RSPO2: variants seen among roughly 807,000 people sequenced by gnomAD.
The protein encoded by RSPO2 is R-spondin 2.
In RSPO2, 14 loss-of-function variants were observed where a neutral mutation model predicts 30.9. The ratio of observed to expected loss-of-function variants is 0.45; its 90% CI spans 0.30 to 0.71. RSPO2 has a LOEUF of 0.71. RSPO2 is among the 30% of genes least tolerant of loss of function. The pLI is 0.08. For missense variants in RSPO2, 264 were observed against 301.9 expected, an observed-to-expected ratio of 0.87 and a Z score of 0.93; for synonymous variants, 107 against 96.4, an observed-to-expected ratio of 1.11 and a Z score of -0.64.
intron 5 of RSPO2, among the ~76,000 whole-genome samples, chr8:107,916,012 T>A (rs566928722): frequency 1.7e-4 from 26 of 152,148 alleles, no homozygotes; most frequent in Non-Finnish European, 3.4e-4. Context: ...GGAATCCAAC[T>A]AAGAAACTGG....
intron 3 of RSPO2, among the ~76,000 whole-genome samples, chr8:107,982,833 T>C (rs1471510355): frequency 1.3e-5 from 2 of 152,242 alleles, no homozygotes; most frequent in Non-Finnish European, 2.9e-5. Flanking sequence ...TCTGCTTTCC[T>C]AGTGACTTAG....
In RSPO2 at chr8:107,931,892, G is replaced by A. The variant is rs77361533; in HGVS notation, c.616+26188C>T. Reference sequence around the variant, plus strand: ...AAAAGACAACCCCATATTATACATTGGCATGTGCATCTACCTCCACTTTTG... The same window carrying A: ...AAAAGACAACCCCATATTATACATTAGCATGTGCATCTACCTCCACTTTTG... On this transcript the variant is annotated intron_variant, in intron 5 of 5. Transcript: ENST00000276659. Among the ~76,000 whole-genome samples, 1,390 of 152,180 alleles carry A rather than the reference G, an allele frequency of 9.1e-3. 7 individuals are homozygous for A. Among genetic ancestry groups the A allele is most frequent in the Non-Finnish European group, 0.014 (952 of 68,004 alleles).
At chr8:107,911,828 G>A (rs1286502623) in intron 5 of RSPO2, among the ~76,000 whole-genome samples, 1 of 152,068 alleles carries the variant, frequency 6.6e-6, no homozygotes, top group Admixed American at 6.6e-5. Flanking sequence ...CTTATGCCCA[G>A]CAAAATGCCT....
At chr8:107,977,702 A>G (rs1185941430) in intron 3 of RSPO2, among the ~76,000 whole-genome samples, 1 of 152,106 alleles carries the variant, frequency 6.6e-6, no homozygotes, top group African/African-American at 2.4e-5. Flanking sequence ...TTTTCCCAAT[A>G]TATGGCCCTC....
intron 3 of RSPO2, among the ~76,000 whole-genome samples, chr8:107,979,617 T>C (rs977342428): frequency 6.6e-5 from 10 of 151,968 alleles, no homozygotes; most frequent in Admixed American, 2.6e-4. Context: ...ATGGCACATG[T>C]ATACATATGT....
At chr8:107,989,942 C>CA (rs1449023531) in intron 2 of RSPO2, among the ~76,000 whole-genome samples, 1 of 152,106 alleles carries the variant, frequency 6.6e-6, no homozygotes, top group Non-Finnish European at 1.5e-5. Flanking sequence ...ATCATATGAG[C>CA]AAGTAAACCT....
At chr8:108,013,468 G>A (rs1462259313) in intron 2 of RSPO2, among the ~76,000 whole-genome samples, 2 of 152,086 alleles carry the variant, frequency 1.3e-5, no homozygotes, top group Non-Finnish European at 2.9e-5. Context: ...GTAGTAAACT[G>A]ACTTAAGACT....
chr8:108,001,401 G>C (rs1329685228), intron 2 of RSPO2, among the ~76,000 whole-genome samples: 1 of 152,084 alleles, frequency 6.6e-6, no homozygotes, highest in East Asian at 1.9e-4. Context: ...AGCCCTATAA[G>C]AATTACTCCC....
At chr8:107,968,080 T>C (rs1412905946) in intron 3 of RSPO2, among the ~76,000 whole-genome samples, 2 of 152,104 alleles carry the variant, frequency 1.3e-5, no homozygotes, top group African/African-American at 4.8e-5. Context: ...GATCCAGCAA[T>C]CCCACTGCTG....
At chr8:108,001,412 CT>C (rs34148039) in intron 2 of RSPO2, among the ~76,000 whole-genome samples, 1 of 152,224 alleles carries the variant, frequency 6.6e-6, no homozygotes, top group Non-Finnish European at 1.5e-5. Context: ...AATTACTCCC[CT>C]TTTTCCCCCT....
At chr8:108,010,744 C>T (rs1192172738) in intron 2 of RSPO2, among the ~76,000 whole-genome samples, 1 of 152,090 alleles carries the variant, frequency 6.6e-6, no homozygotes, top group Non-Finnish European at 1.5e-5. Context: ...ATCGCTTTCC[C>T]TCCCCTGGCA....
chr8:108,012,506 G>A (rs1810744351), intron 2 of RSPO2, among the ~76,000 whole-genome samples: 1 of 152,186 alleles, frequency 6.6e-6, no homozygotes, highest in Non-Finnish European at 1.5e-5. Context: ...TTACATGTGT[G>A]TTTTCCTACA....
At chr8:107,933,368 C>A (rs1266367446) in intron 5 of RSPO2, among the ~76,000 whole-genome samples, 1 of 152,104 alleles carries the variant, frequency 6.6e-6, no homozygotes, top group African/African-American at 2.4e-5. Flanking sequence ...ACGAAATATA[C>A]ACATATTTAA....
intron 2 of RSPO2, among the ~76,000 whole-genome samples, chr8:108,065,636 C>A (rs1333710389): frequency 1.3e-5 from 2 of 149,970 alleles, no homozygotes; most frequent in African/African-American, 2.5e-5. Context: ...AAAGAGCCAG[C>A]TGCACCTAAT....
chr8:107,952,341 C>T (rs1016670801), intron 5 of RSPO2, among the ~76,000 whole-genome samples: 6 of 151,466 alleles, frequency 4.0e-5, no homozygotes, highest in African/African-American at 1.5e-4. Flanking sequence ...TTCCATGTAG[C>T]CGGAGTACCT....
chr8:108,054,559 G>A (rs1414624153), intron 2 of RSPO2, among the ~76,000 whole-genome samples: 2 of 152,128 alleles, frequency 1.3e-5, no homozygotes, highest in Non-Finnish European at 2.9e-5. Context: ...ATAGTCTAGC[G>A]ACAGCCCCAA....
At chr8:107,923,455 A>T (rs1487050467) in intron 5 of RSPO2, among the ~76,000 whole-genome samples, 3 of 152,166 alleles carry the variant, frequency 2.0e-5, no homozygotes, top group Non-Finnish European at 2.9e-5. Context: ...GGAAACATTT[A>T]TACACTGTTG....
chr8:108,077,491 C>A, intron 2 of RSPO2, among the ~76,000 whole-genome samples: 1 of 152,078 alleles, frequency 6.6e-6, no homozygotes. Flanking sequence ...CTCCCTGCCA[C>A]CCCCTTTCCC....
At chr8:107,991,249 AACACACAC>A (rs60247229) in intron 2 of RSPO2, among the ~76,000 whole-genome samples, 256 of 133,466 alleles carry the variant, frequency 1.9e-3, no homozygotes, top group African/African-American at 3.6e-3. Context: ...CTCCATCTCA[AACACACAC>A]ACACACACAC....
Sources: gnomAD v4.1 joint callset for allele counts (sites outside exome capture counted in the v4.1 genomes callset) on GRCh38, gnomAD v4.1.1 for gene constraint, MANE v1.5 for transcripts, NCBI Gene and HGNC (gene_info 2026-07-23, HGNC 2026-07-21) for gene names.